PPFIA2: variants seen among roughly 807,000 people sequenced by gnomAD.
PPFIA2 encodes PPFI scaffold protein A2.
A neutral mutation model predicts 175.5 loss-of-function variants in PPFIA2; 46 were observed. The ratio of observed to expected loss-of-function variants is 0.26; its 90% CI spans 0.21 to 0.34. The LOEUF (loss-of-function observed/expected upper bound fraction) is 0.34, where lower values mean the gene tolerates loss of function less well. Ranked by LOEUF, PPFIA2 falls within the 10% of genes least tolerant of loss-of-function variation. PPFIA2 has a pLI of 1.00. For synonymous variants in PPFIA2, 568 were observed against 511.4 expected (o/e 1.11, Z -1.49); for missense variants, 1,179 against 1,506.1 (o/e 0.78, Z 3.60).
intron 30 of PPFIA2, among the ~76,000 whole-genome samples, chr12:81,266,038 T>A (rs1455491044): frequency 6.6e-6 from 1 of 152,212 alleles, no homozygotes; most frequent in Non-Finnish European, 1.5e-5. Flanking sequence ...GTAGAACTTA[T>A]CTCTCTATAA....
intron 4 of PPFIA2, among the ~76,000 whole-genome samples, chr12:81,565,062 T>G (rs914635313): frequency 2.4e-4 from 36 of 152,134 alleles, no homozygotes; most frequent in African/African-American, 8.7e-4. Context: ...AAGCTGGAGA[T>G]ACTGAGTTTA....
chr12:81,528,122 A>G (rs1291184374), intron 4 of PPFIA2, among the ~76,000 whole-genome samples: 1 of 136,282 alleles, frequency 7.3e-6, no homozygotes, highest in Non-Finnish European at 1.5e-5. Context: ...CTAGAATAGT[A>G]CCTACCCCTT....
At chr12:81,443,849 T>C (rs1159559448) in intron 6 of PPFIA2, among the ~76,000 whole-genome samples, 2 of 120,800 alleles carry the variant, frequency 1.7e-5, no homozygotes, top group Non-Finnish European at 1.8e-5. Flanking sequence ...ACCTTTCTTT[T>C]TTTTTTTTTT....
chr12:81,301,905 C>A (rs936633155), intron 22 of PPFIA2, among the ~76,000 whole-genome samples: 1 of 152,120 alleles, frequency 6.6e-6, no homozygotes, highest in Non-Finnish European at 1.5e-5. Flanking sequence ...CTTTATTTTT[C>A]TCCAAGGTAT....
intron 22 of PPFIA2, among the ~76,000 whole-genome samples, chr12:81,309,073 C>A (rs533871657): frequency 1.3e-5 from 2 of 152,084 alleles, no homozygotes; most frequent in Non-Finnish European, 2.9e-5. Flanking sequence ...GAAAATAAAT[C>A]TTCCTTACAT....
intron 5 of PPFIA2, among the ~76,000 whole-genome samples, chr12:81,446,659 C>T (rs2051330481): frequency 6.6e-6 from 1 of 151,986 alleles, no homozygotes; most frequent in African/African-American, 2.4e-5. Flanking sequence ...GTGGTGTCTA[C>T]TTATGCAAAA....
rs1390302183 is a variant in PPFIA2 at position 81,393,129 on chromosome 12, C to T, written c.763-8885G>A. ...TTACATTGCAGTTAAGTGAATATTC[C>T]CATGATAAATGTTAATAATTATCAG... On this transcript the variant is annotated intron_variant, in intron 8 of 32. Coordinates refer to ENST00000549396, the MANE Select transcript of PPFIA2 (RefSeq NM_003625.5). Among the ~76,000 whole-genome samples the T allele has an allele frequency of 2.6e-5, 4 of 151,754 alleles. No homozygotes were observed. In the East Asian group the frequency reaches 7.7e-4, roughly 29 times the overall value.
At chr12:81,340,653 G>A (rs77214652) in intron 20 of PPFIA2, among the ~76,000 whole-genome samples, 1 of 152,006 alleles carries the variant, frequency 6.6e-6, no homozygotes, top group East Asian at 1.9e-4. Context: ...AGTACCCACA[G>A]GATGCACATA....
chr12:81,592,473 C>A (rs1369901411), intron 4 of PPFIA2, among the ~76,000 whole-genome samples: 1 of 152,124 alleles, frequency 6.6e-6, no homozygotes, highest in Non-Finnish European at 1.5e-5. Flanking sequence ...TTAATTGTAA[C>A]TCCCACACTT....
At chr12:81,407,951 A>G (rs900224714) in intron 7 of PPFIA2, among the ~76,000 whole-genome samples, 1 of 152,226 alleles carries the variant, frequency 6.6e-6, no homozygotes, top group Non-Finnish European at 1.5e-5. Context: ...AATAATTTTC[A>G]AAAGAATGCT....
intron 4 of PPFIA2, among the ~76,000 whole-genome samples, chr12:81,664,969 T>C (rs2069829554): frequency 1.3e-5 from 2 of 151,012 alleles, no homozygotes; most frequent in Admixed American, 6.6e-5. Context: ...TTCTCACTCA[T>C]AGGTGGGAAT....
intron 7 of PPFIA2, among the ~76,000 whole-genome samples, chr12:81,435,043 G>A (rs985736169): frequency 2.0e-5 from 3 of 151,860 alleles, no homozygotes; most frequent in African/African-American, 7.3e-5. Flanking sequence ...AATGTTTTGG[G>A]GCTTTTTCCA....
chr12:81,693,919 G>A (rs939628606), intron 3 of PPFIA2, among the ~76,000 whole-genome samples: 6 of 152,104 alleles, frequency 3.9e-5, no homozygotes, highest in African/African-American at 1.2e-4. Flanking sequence ...ATAGGGATCT[G>A]TGGAAGTTTA....
chr12:81,669,374 G>A (rs985880368), intron 4 of PPFIA2, among the ~76,000 whole-genome samples: 1 of 151,926 alleles, frequency 6.6e-6, no homozygotes, highest in Non-Finnish European at 1.5e-5. Context: ...TGTAAATCGT[G>A]TGCTCATTAA....
At chr12:81,755,561 G>A (rs994554569) in intron 2 of PPFIA2, among the ~76,000 whole-genome samples, 2 of 152,108 alleles carry the variant, frequency 1.3e-5, no homozygotes, top group Non-Finnish European at 2.9e-5. Flanking sequence ...CTTTTTATGT[G>A]AGTCTTCATA....
intron 4 of PPFIA2, among the ~76,000 whole-genome samples, chr12:81,484,777 T>TA (rs1230856561): frequency 6.6e-6 from 1 of 151,942 alleles, no homozygotes; most frequent in Non-Finnish European, 1.5e-5. Flanking sequence ...ATAGCATTGC[T>TA]AATTTTAAAT....
At chr12:81,688,837 T>C (rs2074839416) in intron 3 of PPFIA2, among the ~76,000 whole-genome samples, 1 of 140,702 alleles carries the variant, frequency 7.1e-6, no homozygotes, top group African/African-American at 2.5e-5. Flanking sequence ...GCTTTTAAAA[T>C]AGATACTTCT....
intron 3 of PPFIA2, among the ~76,000 whole-genome samples, chr12:81,726,715 T>C (rs1371817142): frequency 6.6e-6 from 1 of 151,368 alleles, no homozygotes; most frequent in Non-Finnish European, 1.5e-5. Context: ...CATGTATTGC[T>C]ATTCGCTCAA....
chr12:81,348,016 C>T (rs909660996), intron 17 of PPFIA2, among the ~76,000 whole-genome samples: 1 of 151,912 alleles, frequency 6.6e-6, no homozygotes, highest in Non-Finnish European at 1.5e-5. Context: ...TGACAACTTC[C>T]AGTTTTACCT....
Sources: allele counts gnomAD v4.1 joint callset (sites outside exome capture counted in the v4.1 genomes callset), GRCh38; gene constraint gnomAD v4.1.1; transcripts MANE v1.5; gene names NCBI Gene and HGNC (gene_info 2026-07-23, HGNC 2026-07-21).